The following ORC5 variants were observed in gnomAD, a reference collection of about 807,000 sequenced individuals.
The protein encoded by ORC5 is origin recognition complex subunit 5.
ORC5 carries 39 observed loss-of-function variants against 58.8 expected under a neutral mutation model. The observed-to-expected ratio is 0.66, with a 90% CI of 0.51 to 0.87. The LOEUF is 0.87. Ranked by LOEUF, ORC5 falls within the 40% of genes least tolerant of loss-of-function variation. The probability of loss-of-function intolerance (pLI) is 0.00; values close to 1 mark genes in which losing one functional copy is unlikely to be tolerated. For missense variants in ORC5, 493 were observed against 506.3 expected (o/e 0.97, Z 0.25); for synonymous variants, 218 against 177.6 (o/e 1.23, Z -1.81).
At chr7:104,166,625 T>G (rs538368596) in intron 10 of ORC5, 147 bp downstream of exon 10, 4 of 537,510 alleles carry the variant, frequency 7.4e-6, no homozygotes, top group Non-Finnish European at 1.3e-5. Flanking sequence ...GTGACATTAA[T>G]GTAAAGCCTT....
At chr7:104,168,899 T>C (rs1799156964) in intron 8 of ORC5, among the ~76,000 whole-genome samples, 1 of 152,100 alleles carries the variant, frequency 6.6e-6, no homozygotes, top group Non-Finnish European at 1.5e-5. Flanking sequence ...CTAGGCAACA[T>C]GGGGAAACCC....
chr7:104,173,030 T>C (rs1187165811), intron 8 of ORC5, among the ~76,000 whole-genome samples: 1 of 143,458 alleles, frequency 7.0e-6, no homozygotes, highest in Admixed American at 7.0e-5. Context: ...CATAATGGAG[T>C]CACATGTGCT....
intron 12 of ORC5, among the ~76,000 whole-genome samples, chr7:104,160,714 CA>C (rs1004441504): frequency 1.2e-4 from 18 of 151,650 alleles, no homozygotes; most frequent in African/African-American, 3.6e-4. Flanking sequence ...TACTCTGTTA[CA>C]AAAAAAAATT....
At chr7:104,197,216 T>C (rs964189795) in intron 4 of ORC5, among the ~76,000 whole-genome samples, 1 of 152,212 alleles carries the variant, frequency 6.6e-6, no homozygotes, top group African/African-American at 2.4e-5. Context: ...TGTAGGCTAG[T>C]TCACTTAAAG....
intron 5 of ORC5, among the ~76,000 whole-genome samples, chr7:104,192,001 A>G (rs980985091): frequency 6.6e-6 from 1 of 152,188 alleles, no homozygotes; most frequent in African/African-American, 2.4e-5. Context: ...AATGGCAGTA[A>G]CGGACCGTAA....
chr7:104,158,329 C>G lies in ORC5; in HGVS notation c.1149+2743G>C, dbSNP rs552955737. 6.6e-5 allele frequency among the ~76,000 whole-genome samples: 10 copies of G among 151,924 alleles called. No homozygotes were observed. The South Asian group carries it at 1.5e-3, about 22-fold the overall frequency. On this transcript the variant is annotated intron_variant, in intron 12 of 13. Coordinates refer to ENST00000297431, the MANE Select transcript of ORC5 (RefSeq NM_002553.4). ...ACACCTTATACAAAAATTAATTCAA[C>G]ATGGATTAAAGACTTAAACGTTAGA...
intron 8 of ORC5, among the ~76,000 whole-genome samples, chr7:104,173,845 CT>C (rs71154394): frequency 2.4e-4 from 27 of 111,096 alleles, no homozygotes; most frequent in South Asian, 9.0e-4. Flanking sequence ...AAAATTTTTT[CT>C]TTTTTTTTTT....
Position 104,126,877 on chromosome 7 carries a change from T to C in ORC5, c.1279A>G (p.Ile427Val). 1.2e-6 allele frequency: 2 copies of C among 1,607,944 alleles called. No individual in the cohort carries two copies. ...AAGAAATCATACAAGTATTTTATTA[T>C]GTCAAAGTTCACCGTCCTAAAAACA... Reference protein sequence around the residue: ...RAIARTVNFDIIKYLYDFL With the variant: ...RAIARTVNFDVIKYLYDFL Residue 427 changes from isoleucine to valine, a missense_variant, in exon 14 of 14, where the codon ATA becomes GTA. By Grantham distance (29) the Ile-to-Val change is conservative. Around this residue, in one of 3 missense-constraint regions of ORC5, gnomAD observed 77 missense variants for 86.1 expected, o/e 0.89. Coordinates refer to ENST00000297431, the MANE Select transcript of ORC5 (RefSeq NM_002553.4).
At chr7:104,162,601 C>T (rs962001255) in intron 11 of ORC5, among the ~76,000 whole-genome samples, 2 of 152,150 alleles carry the variant, frequency 1.3e-5, no homozygotes, top group Non-Finnish European at 2.9e-5. Flanking sequence ...GTTTTTACCT[C>T]GGCTAGAAAT....
intron 8 of ORC5, among the ~76,000 whole-genome samples, chr7:104,176,111 T>C (rs961901371): frequency 3.3e-5 from 5 of 152,246 alleles, no homozygotes; most frequent in African/African-American, 9.6e-5. Flanking sequence ...ATAGTTTGGA[T>C]CCAACTATCC....
chr7:104,140,627 G>A (rs556447726), intron 12 of ORC5, among the ~76,000 whole-genome samples: 9 of 152,228 alleles, frequency 5.9e-5, no homozygotes, highest in African/African-American at 1.9e-4. Flanking sequence ...TGGGAACCTG[G>A]GTGTCACTGT....
At position 104,126,909 on chromosome 7, in the gene ORC5, GATAAT is replaced by G; in HGVS notation, c.1263-21_1263-17del. ...GTTCACCGTCCTAAAAACAAAAACA[GATAAT>G]ATGTTAGCATTCTCACCCCTAGATT... On this transcript the variant is annotated splice_polypyrimidine_tract_variant and intron_variant, in intron 13 of 13. Transcript: ENST00000297431. 2 of 1,574,516 alleles carry G rather than the reference GATAAT, an allele frequency of 1.3e-6. No individual in the cohort carries two copies. The highest frequency in any genetic ancestry group is 1.7e-6 in the Non-Finnish European group (2 of 1,145,698).
rs765565991 is a variant in ORC5 at position 104,195,168 on chromosome 7, G to A, written c.528C>T (p.Val176=). 6.4e-6 allele frequency: 10 copies of A among 1,571,910 alleles called. No homozygotes were observed. Among genetic ancestry groups the A allele is most frequent in the Non-Finnish European group, 8.6e-6 (10 of 1,163,352 alleles). Residue 176 remains valine, a synonymous_variant, in exon 5 of 14, where the codon GTC becomes GTT. Transcript: ENST00000297431. ...CTATGCTGTAATCAGGGAAATATAA[G>A]ACAAACGGCTCAAAGCATCCAGTAT... ...RPNTGCFEPF[V]LYFPDYSIGN...
At chr7:104,204,038 T>C (rs1462036609) in intron 2 of ORC5, 104 bp downstream of exon 2, 6 of 566,954 alleles carry the variant, frequency 1.1e-5, no homozygotes, top group South Asian at 2.8e-5. Flanking sequence ...GAGAGTAATG[T>C]AAAGGTGGTA....
At chr7:104,143,906 G>T (rs912169792) in intron 12 of ORC5, among the ~76,000 whole-genome samples, 1 of 152,028 alleles carries the variant, frequency 6.6e-6, no homozygotes, top group Non-Finnish European at 1.5e-5. Context: ...ATCACTTGAG[G>T]CCAGGAGTTT....
intron 8 of ORC5, among the ~76,000 whole-genome samples, chr7:104,173,920 C>T (rs576734228): frequency 2.1e-5 from 3 of 146,232 alleles, no homozygotes; most frequent in Admixed American, 1.4e-4. Flanking sequence ...TCTCGGCTCA[C>T]TGCAAGCTCC....
At chr7:104,205,192 C>T (rs1055643569) in intron 1 of ORC5, among the ~76,000 whole-genome samples, 5 of 142,930 alleles carry the variant, frequency 3.5e-5, no homozygotes, top group African/African-American at 5.2e-5. Context: ...CGGGTTTAAG[C>T]GATTCTCCTG....
chr7:104,128,728 G>C (rs1038981144), intron 13 of ORC5, among the ~76,000 whole-genome samples: 1 of 129,830 alleles, frequency 7.7e-6, no homozygotes, highest in East Asian at 2.3e-4. Flanking sequence ...TCCTGTGTCC[G>C]TGTGTTCTCA....
chr7:104,205,084 C>CTATTTTTTTTT (rs769195880), intron 1 of ORC5, among the ~76,000 whole-genome samples: 9 of 102,356 alleles, frequency 8.8e-5, no homozygotes, highest in African/African-American at 3.1e-4. Context: ...TTTAATAATA[C>CTATTTTTTTTT]TCTTTTTTTT....
Sources: gnomAD v4.1 joint callset for allele counts (sites outside exome capture counted in the v4.1 genomes callset) on GRCh38, gnomAD v4.1.1 for gene constraint, gnomAD v4.1.1 regional missense constraint, MANE v1.5 for transcripts, NCBI Gene and HGNC (gene_info 2026-07-23, HGNC 2026-07-21) for gene names.